Variants in PLXNA4 observed in about 807,000 individuals in gnomAD.
The protein encoded by PLXNA4 is plexin A4, also known as plexin-A4.
A neutral mutation model predicts 191.8 loss-of-function variants in PLXNA4; 44 were observed. The ratio of observed to expected loss-of-function variants is 0.23; its 90% CI spans 0.18 to 0.29. The LOEUF is 0.29. Ranked by LOEUF, PLXNA4 falls within the 10% of genes least tolerant of loss-of-function variation. The pLI is 1.00. For synonymous variants in PLXNA4, 1,082 were observed against 1,009.5 expected (o/e 1.07, Z -1.36); for missense variants, 1,800 against 2,488.8 (o/e 0.72, Z 5.89).
At chr7:132,208,118 G>T (rs1430263380) in intron 10 of PLXNA4, among the ~76,000 whole-genome samples, 1 of 152,148 alleles carries the variant, frequency 6.6e-6, no homozygotes, top group Non-Finnish European at 1.5e-5. Flanking sequence ...AAAGATATTT[G>T]ATGGAAATTG....
Position 132,483,012 on chromosome 7 carries a change from C to T in PLXNA4, c.1371+6280G>A, listed in dbSNP as rs1164117660. ...GGCCGAGAGACCTCTTTTAAAAAGT[C>T]ACCATGGATGCTTCTATGAGAAGCC... is the stretch of plus-strand genomic sequence containing the variant. On this transcript the variant is annotated intron_variant, in intron 3 of 31. Coordinates refer to ENST00000321063, the MANE Select transcript of PLXNA4 (RefSeq NM_020911.2). Among the ~76,000 whole-genome samples, 4 of 152,238 alleles carry T rather than the reference C, an allele frequency of 2.6e-5. No individual in the cohort carries two copies. The East Asian group carries it at 7.7e-4, about 29-fold the overall frequency.
intron 1 of PLXNA4, among the ~76,000 whole-genome samples, chr7:132,564,384 T>C (rs1037221235): frequency 3.3e-5 from 5 of 150,272 alleles, no homozygotes; most frequent in African/African-American, 7.3e-5. Context: ...CTCCTCCTCC[T>C]CCTCCTCCCC....
chr7:132,335,741 C>A (rs1302583376), intron 3 of PLXNA4, among the ~76,000 whole-genome samples: 1 of 152,222 alleles, frequency 6.6e-6, no homozygotes, highest in Admixed American at 6.5e-5. Flanking sequence ...CAGGAAAAGG[C>A]AAGGAGACTT....
intron 3 of PLXNA4, among the ~76,000 whole-genome samples, chr7:132,305,361 AACACACACACACACACACAC>A (rs57158164): frequency 2.3e-5 from 3 of 131,176 alleles, no homozygotes; most frequent in Non-Finnish European, 3.2e-5. Flanking sequence ...GCTTACCAAG[AACACACACACACACACACAC>A]ACACACACAC....
intron 3 of PLXNA4, among the ~76,000 whole-genome samples, chr7:132,304,373 G>A (rs1264219584): frequency 6.6e-6 from 1 of 151,974 alleles, no homozygotes; most frequent in Non-Finnish European, 1.5e-5. Flanking sequence ...CACAAATGTG[G>A]GTCACATACG....
intron 2 of PLXNA4, among the ~76,000 whole-genome samples, chr7:132,643,043 TGGGA>T (rs957546208): frequency 4.9e-5 from 7 of 144,086 alleles, no homozygotes; most frequent in Middle Eastern, 3.2e-3. Context: ...GGGGATGGGG[TGGGA>T]GGGAGAATTT....
At chr7:132,533,374 G>A (rs1415793172) in intron 1 of PLXNA4, among the ~76,000 whole-genome samples, 1 of 152,078 alleles carries the variant, frequency 6.6e-6, no homozygotes, top group Non-Finnish European at 1.5e-5. Context: ...GAACTGGAGA[G>A]GTGCAAGGCC....
chr7:132,281,081 T>A (rs1214587693), intron 4 of PLXNA4, among the ~76,000 whole-genome samples: 2 of 152,324 alleles, frequency 1.3e-5, no homozygotes, highest in African/African-American at 2.4e-5. Flanking sequence ...CATTTTACTA[T>A]CACCAAGAAA....
Position 132,316,189 on chromosome 7 carries a change from G to T in PLXNA4, c.1372-17967C>A, listed in dbSNP as rs147515173. 1.5e-3 allele frequency among the ~76,000 whole-genome samples: 226 copies of T among 152,266 alleles called. 1 individual carries two copies. Among genetic ancestry groups the T allele is most frequent in the African/African-American group, 4.5e-3 (188 of 41,560 alleles). On this transcript the variant is annotated intron_variant, in intron 3 of 31. Transcript: ENST00000321063. ...CTCAAATGACTAAACTAAAAAATGC[G>T]ACTCTATCACCATAAGCCTCCCTAT...
chr7:132,354,830 C>T (rs1478489195), intron 3 of PLXNA4, among the ~76,000 whole-genome samples: 1 of 152,186 alleles, frequency 6.6e-6, no homozygotes, highest in Non-Finnish European at 1.5e-5. Flanking sequence ...CTGACAGCCA[C>T]AGGAAAATGT....
At chr7:132,590,365 A>G (rs932953779) in intron 2 of PLXNA4, among the ~76,000 whole-genome samples, 1 of 152,234 alleles carries the variant, frequency 6.6e-6, no homozygotes, top group African/African-American at 2.4e-5. Context: ...GGATAGATGT[A>G]TATATAAAGA....
chr7:132,147,865 C>T (rs1260194516), intron 27 of PLXNA4, 35 bp downstream of exon 27: 1 of 1,613,288 alleles, frequency 6.2e-7, no homozygotes, highest in Admixed American at 1.7e-5. Context: ...GCTCAGGACA[C>T]CCAGGCCTCC....
chr7:132,132,460 CTGT>C (rs1211619906), intron 31 of PLXNA4, among the ~76,000 whole-genome samples: 609 of 33,618 alleles, frequency 0.018, 8 homozygotes, highest in Middle Eastern at 0.026. Flanking sequence ...CTGTTCTGTT[CTGT>C]TCTGCTCTGC....
chr7:132,395,209 C>T (rs1793707417), intron 3 of PLXNA4, among the ~76,000 whole-genome samples: 1 of 152,142 alleles, frequency 6.6e-6, no homozygotes. Flanking sequence ...CACAGCCTGC[C>T]CTCCAGGCTC....
chr7:132,276,448 T>G, intron 4 of PLXNA4, among the ~76,000 whole-genome samples: 7 of 151,046 alleles, frequency 4.6e-5, no homozygotes, highest in Admixed American at 2.0e-4. Context: ...TGACCCCCCC[T>G]TTCCCACCCT....
chr7:132,476,040 T>C (rs1384094435), intron 3 of PLXNA4, among the ~76,000 whole-genome samples: 2 of 152,190 alleles, frequency 1.3e-5, no homozygotes, highest in African/African-American at 4.8e-5. Flanking sequence ...CCGGTTCCTA[T>C]GCTTGCATGT....
chr7:132,326,999 G>GGGAAGGAAGAAAAAGAGGGAAGAGA (rs1802388456), intron 3 of PLXNA4, among the ~76,000 whole-genome samples: 5 of 112,340 alleles, frequency 4.5e-5, no homozygotes, highest in Non-Finnish European at 8.3e-5. Context: ...GAAGGAGGGA[G>GGGAAGGAAGAAAAAGAGGGAAGAGA]GGAAGGAAGA....
chr7:132,226,716 T>TG (rs1048849143), intron 7 of PLXNA4, among the ~76,000 whole-genome samples: 2 of 152,190 alleles, frequency 1.3e-5, no homozygotes, highest in South Asian at 4.1e-4. Flanking sequence ...CCACTTCCTC[T>TG]GGGGGGCTCA....
rs1802224823 is a variant in PLXNA4 at position 132,576,214 on chromosome 7, C to T, written c.-87+208G>A. Among the ~76,000 whole-genome samples the T allele has an allele frequency of 6.6e-6, 1 of 152,246 alleles. No homozygotes were observed. Among genetic ancestry groups the T allele is most frequent in the African/African-American group, 2.4e-5 (1 of 41,466 alleles). On this transcript the variant is annotated intron_variant, in intron 1 of 31. Transcript: ENST00000321063. The surrounding 1 kb of genome is among the most constrained non-coding windows in gnomAD (Gnocchi z 5.8). ...GGAAATCCCTGCTCCGGCCGCTGCACCTCCGCGGGCGTCCAGGTGGGACGT... is the reference window on the plus strand; with the variant it reads ...GGAAATCCCTGCTCCGGCCGCTGCATCTCCGCGGGCGTCCAGGTGGGACGT...
Sources: allele counts gnomAD v4.1 joint callset (sites outside exome capture counted in the v4.1 genomes callset), GRCh38; gene constraint gnomAD v4.1.1; non-coding constraint Gnocchi (gnomAD v3.1); transcripts MANE v1.5; gene names NCBI Gene and HGNC (gene_info 2026-07-23, HGNC 2026-07-21).